PBX1: variants seen among roughly 807,000 people sequenced by gnomAD.
PBX1 encodes pre-B-cell leukemia transcription factor 1.
PBX1 carries 6 observed loss-of-function variants against 53.4 expected under a neutral mutation model. The observed-to-expected ratio is 0.11, with a 90% CI of 0.06 to 0.22. The LOEUF (loss-of-function observed/expected upper bound fraction) is 0.22. Ranked by LOEUF, PBX1 falls within the 10% of genes least tolerant of loss-of-function variation. The pLI is 1.00. For synonymous variants in PBX1, 204 were observed against 212.3 expected, an observed-to-expected ratio of 0.96 and a Z score of 0.34; for missense variants, 251 against 551.4, an observed-to-expected ratio of 0.46 and a Z score of 5.46.
Position 164,648,088 on chromosome 1 carries a change from T to G in PBX1, c.265+84777T>G, listed in dbSNP as rs1401693806. On this transcript the variant is annotated intron_variant, in intron 2 of 8. Transcript: ENST00000420696. ...TCTCGGTCTCCCAAAGTGCTGGGAT[T>G]GCAGGCGTGAGCCACCGTGCCCAGC... Among the ~76,000 whole-genome samples, 3 of 152,176 alleles carry G rather than the reference T, an allele frequency of 2.0e-5. No individual in the cohort carries two copies. In the East Asian group the frequency reaches 5.8e-4, roughly 30 times the overall value.
rs1212181485 is a variant in PBX1, at chr1:164,728,318, C to CA, written c.266-64163dup. Among the ~76,000 whole-genome samples the CA allele has an allele frequency of 9.8e-3, 891 of 91,220 alleles. 5 individuals are homozygous for CA. Among genetic ancestry groups the CA allele is most frequent in the African/African-American group, 0.017 (435 of 25,332 alleles). The allele number at this position is 91,220 out of a possible 152,430, so 59.8% of individuals were successfully genotyped here. A position where few individuals can be genotyped will look rare whatever the true frequency, so the allele number is the denominator to read the frequency against. On this transcript the variant is annotated intron_variant, in intron 2 of 8. Coordinates refer to ENST00000420696, the MANE Select transcript of PBX1 (RefSeq NM_002585.4). ...GGTGACAAAGGAGATCTTGTCTTAA[C>CA]AAAAAAAAAAAAAGAGAGAGAGAGA... is the stretch of plus-strand genomic sequence containing the variant.
chr1:164,636,685 A>C (rs1333267504), intron 2 of PBX1, among the ~76,000 whole-genome samples: 6 of 152,146 alleles, frequency 3.9e-5, no homozygotes, highest in Admixed American at 6.5e-5. Flanking sequence ...CATGGCTTTG[A>C]CAAATGCCCA....
Position 164,811,981 on chromosome 1 carries a change from C to T in PBX1, c.838-9C>T. 6.2e-7 allele frequency: 1 copy of T among 1,606,002 alleles called. No individual in the cohort carries two copies. Among genetic ancestry groups the T allele is most frequent in the Non-Finnish European group, 8.5e-7 (1 of 1,175,602 alleles). On this transcript the variant is annotated splice_polypyrimidine_tract_variant and intron_variant, in intron 5 of 8. Coordinates refer to ENST00000420696, the MANE Select transcript of PBX1 (RefSeq NM_002585.4). ...GTGAACTTTCTCATCTTCTCTTAAA[C>T]TACTCTAGGTATCAAACTGGTTTGG...
chr1:164,670,438 AT>A (rs751720548), intron 2 of PBX1, among the ~76,000 whole-genome samples: 2 of 152,170 alleles, frequency 1.3e-5, no homozygotes, highest in Non-Finnish European at 2.9e-5. Flanking sequence ...TATGTCAGCT[AT>A]CCCTCCTTCC....
chr1:164,626,838 C>T (rs1466181819), intron 2 of PBX1, among the ~76,000 whole-genome samples: 1 of 152,188 alleles, frequency 6.6e-6, no homozygotes, highest in Non-Finnish European at 1.5e-5. Flanking sequence ...GCAGGTTCCC[C>T]CTCTCTTTCT....
intron 4 of PBX1, among the ~76,000 whole-genome samples, chr1:164,802,049 C>T (rs1669106038): frequency 6.6e-6 from 1 of 151,986 alleles, no homozygotes; most frequent in African/African-American, 2.4e-5. Flanking sequence ...CAGGGCCTCA[C>T]CAAAAAAGAT....
intron 2 of PBX1, among the ~76,000 whole-genome samples, chr1:164,701,809 TTCTA>T (rs1251315087): frequency 7.9e-5 from 12 of 152,230 alleles, no homozygotes; most frequent in African/African-American, 2.9e-4. Context: ...TTGTGTCATT[TTCTA>T]TCTCTGTATT....
At chr1:164,784,230 T>C (rs1668064573) in intron 2 of PBX1, among the ~76,000 whole-genome samples, 2 of 152,174 alleles carry the variant, frequency 1.3e-5, no homozygotes, top group Admixed American at 1.3e-4. Flanking sequence ...CATGCCCTCC[T>C]ACCAACTTCT....
intron 2 of PBX1, among the ~76,000 whole-genome samples, chr1:164,607,124 G>A (rs1015337505): frequency 6.6e-6 from 1 of 152,216 alleles, no homozygotes; most frequent in Non-Finnish European, 1.5e-5. Context: ...ATTATGCCAG[G>A]CGAGGAATTT....
intron 2 of PBX1, among the ~76,000 whole-genome samples, chr1:164,669,883 C>T (rs1661021546): frequency 6.6e-6 from 1 of 152,160 alleles, no homozygotes; most frequent in Non-Finnish European, 1.5e-5. Context: ...TTTAGGTGCT[C>T]TGATGTTGGG....
At chr1:164,863,839 A>G (rs945466060) in intron 2 of PBX1, among the ~76,000 whole-genome samples, 3 of 152,160 alleles carry the variant, frequency 2.0e-5, no homozygotes, top group Non-Finnish European at 2.9e-5. Context: ...GGAGGACCAC[A>G]TGAGGTGGCA....
chr1:164,672,991 T>C (rs1661200378), intron 2 of PBX1, among the ~76,000 whole-genome samples: 1 of 152,168 alleles, frequency 6.6e-6, no homozygotes, highest in African/African-American at 2.4e-5. Flanking sequence ...GCCACAATTG[T>C]ACTTGACTGA....
intron 1 of PBX1, 53 bp downstream of exon 1, chr1:164,560,066 C>T (rs1652919177): frequency 1.6e-6 from 2 of 1,232,584 alleles, no homozygotes; most frequent in Non-Finnish European, 2.1e-6. Context: ...TTTTCTTCCT[C>T]TTGCAGGGGG....
chr1:164,638,522 C>G (rs747553509), intron 2 of PBX1, among the ~76,000 whole-genome samples: 5 of 152,152 alleles, frequency 3.3e-5, no homozygotes, highest in Admixed American at 1.3e-4. Context: ...TGAGCCCGAG[C>G]CTTTACTCTG....
intron 2 of PBX1, among the ~76,000 whole-genome samples, chr1:164,790,429 C>A (rs1362712508): frequency 6.6e-6 from 1 of 152,170 alleles, no homozygotes; most frequent in African/African-American, 2.4e-5. Flanking sequence ...CAGAATATTA[C>A]ATATTCAGGT....
At chr1:164,836,530 T>G (rs1217011239) in intron 8 of PBX1, among the ~76,000 whole-genome samples, 1 of 152,214 alleles carries the variant, frequency 6.6e-6, no homozygotes, top group Admixed American at 6.5e-5. Flanking sequence ...TTCAAGCTCT[T>G]GTTTTCATTT....
intron 8 of PBX1, among the ~76,000 whole-genome samples, chr1:164,833,298 A>G (rs1213203977): frequency 2.0e-5 from 3 of 152,166 alleles, no homozygotes; most frequent in Non-Finnish European, 4.4e-5. Context: ...TTGCGGTTGA[A>G]AAACACCCAG....
intron 2 of PBX1, among the ~76,000 whole-genome samples, chr1:164,711,178 A>G (rs1663745901): frequency 1.3e-5 from 2 of 152,206 alleles, no homozygotes; most frequent in African/African-American, 4.8e-5. Flanking sequence ...AACAGCAGTG[A>G]ACCAGGGCCT....
rs921821272 is a variant in PBX1, at chr1:164,851,821, CAA to C, written c.*5153_*5154del. On this transcript the variant is annotated 3_prime_UTR_variant, in exon 9 of 9. Coordinates refer to ENST00000420696, the MANE Select transcript of PBX1 (RefSeq NM_002585.4). ...TCCAAATAAATAGTTTCTTTTGTTG[CAA>C]AAAAAAATACTTGTATTTTGTGCAC... 1.8e-5 allele frequency: 3 copies of C among 169,840 alleles called. No homozygotes were observed. Among genetic ancestry groups the C allele is most frequent in the Admixed American group, 6.5e-5 (1 of 15,488 alleles). The allele number at this position is 169,840 out of a possible 1,614,324, so 10.5% of individuals were successfully genotyped here. A position where few individuals can be genotyped will look rare whatever the true frequency, so the allele number is the denominator to read the frequency against.
Sources: gnomAD v4.1 joint callset for allele counts (sites outside exome capture counted in the v4.1 genomes callset) on GRCh38, gnomAD v4.1.1 for gene constraint, MANE v1.5 for transcripts, NCBI Gene and HGNC (gene_info 2026-07-23, HGNC 2026-07-21) for gene names.